XPO7: variants seen among roughly 807,000 people sequenced by gnomAD.
XPO7 encodes exportin 7.
A neutral mutation model predicts 144.3 loss-of-function variants in XPO7; 21 were observed. The observed-to-expected ratio is 0.15, with a 90% CI of 0.10 to 0.21. The LOEUF (loss-of-function observed/expected upper bound fraction) is 0.21, where lower values mean the gene tolerates loss of function less well. Ranked by LOEUF, XPO7 falls within the 10% of genes least tolerant of loss-of-function variation. The pLI is 1.00. For synonymous variants in XPO7, 580 were observed against 499.6 expected (o/e 1.16, Z -2.15); for missense variants, 808 against 1,325.8 (o/e 0.61, Z 6.06).
intron 1 of XPO7, among the ~76,000 whole-genome samples, chr8:21,927,197 G>C (rs974983178): frequency 2.0e-5 from 3 of 151,114 alleles, no homozygotes; most frequent in Non-Finnish European, 2.9e-5. Context: ...GTCCAGCCTG[G>C]GTAACATAGC....
intron 1 of XPO7, among the ~76,000 whole-genome samples, chr8:21,937,154 TTTAGA>T (rs1810846546): frequency 1.3e-5 from 2 of 152,212 alleles, no homozygotes; most frequent in South Asian, 4.1e-4. Context: ...CTAGAAAGTG[TTTAGA>T]TTAACGAGTA....
chr8:21,934,529 G>A (rs1360661270), intron 1 of XPO7, among the ~76,000 whole-genome samples: 2 of 150,714 alleles, frequency 1.3e-5, no homozygotes, highest in Non-Finnish European at 3.0e-5. Context: ...GCGAAACTCC[G>A]TCTCAAAAAA....
chr8:21,964,670 T>C (rs750703447), intron 1 of XPO7, among the ~76,000 whole-genome samples: 21 of 152,324 alleles, frequency 1.4e-4, no homozygotes, highest in Non-Finnish European at 2.9e-4. Context: ...AAATTGCGTT[T>C]TTGTTTTTTA....
chr8:21,934,692 C>T (rs931122157), intron 1 of XPO7, among the ~76,000 whole-genome samples: 21 of 152,076 alleles, frequency 1.4e-4, no homozygotes, highest in Non-Finnish European at 1.5e-5. Context: ...AGGAGACATC[C>T]CAACTGAAGC....
At chr8:21,972,127 G>A (rs1342905099) in intron 5 of XPO7, among the ~76,000 whole-genome samples, 186 bp downstream of exon 5, 2 of 150,696 alleles carry the variant, frequency 1.3e-5, no homozygotes, top group African/African-American at 4.9e-5. Flanking sequence ...CTCACTTTTT[G>A]TCCTGTTCCC....
rs1488116549 is a variant in XPO7 at position 21,952,460 on chromosome 8, C to G, written c.19-14397C>G. Among the ~76,000 whole-genome samples the G allele has an allele frequency of 2.6e-5, 4 of 152,100 alleles. No homozygotes were observed. The East Asian group carries it at 7.7e-4, about 29-fold the overall frequency. The stretch of plus-strand genomic sequence containing the variant: ...AGCTATATAAAATAGAAGACTCATA[C>G]AGCAAACTAAAGTATACTTTGCTGA... On this transcript the variant is annotated intron_variant, in intron 1 of 27. Transcript: ENST00000252512.
At chr8:21,974,353 A>G (rs1812161642) in intron 5 of XPO7, among the ~76,000 whole-genome samples, 1 of 152,088 alleles carries the variant, frequency 6.6e-6, no homozygotes, top group Non-Finnish European at 1.5e-5. Flanking sequence ...ACAACATGAA[A>G]GTAATTATCA....
At chr8:21,982,543 AAAAAAAG>A (rs1812440961) in intron 10 of XPO7, 90 bp from the exon 11 acceptor site, 4 of 1,409,490 alleles carry the variant, frequency 2.8e-6, no homozygotes, top group Middle Eastern at 2.6e-4. Context: ...TCTTTTTTTA[AAAAAAAG>A]AAAAAAGTCT....
chr8:21,978,807 G>A (rs1812308134), intron 8 of XPO7, among the ~76,000 whole-genome samples: 1 of 152,190 alleles, frequency 6.6e-6, no homozygotes, highest in East Asian at 1.9e-4. Context: ...CCACTGCATA[G>A]CCAGCTGGAT....
At chr8:22,002,323 G>C in intron 25 of XPO7, 51 bp downstream of exon 25, 2 of 1,583,482 alleles carry the variant, frequency 1.3e-6, no homozygotes, top group Non-Finnish European at 1.7e-6. Context: ...GACAGAGGAA[G>C]GACCTCTGCA....
intron 24 of XPO7, among the ~76,000 whole-genome samples, chr8:22,001,692 C>T (rs540651370): frequency 3.3e-5 from 5 of 152,272 alleles, no homozygotes; most frequent in South Asian, 4.1e-4. Flanking sequence ...ATCCTTAGGC[C>T]GATACATAAC....
chr8:22,005,229 G>C lies in XPO7; in HGVS notation c.*141G>C, dbSNP rs1458495536. 3.3e-6 allele frequency: 2 copies of C among 597,586 alleles called. No individual in the cohort carries two copies. The highest frequency in any genetic ancestry group is 1.9e-5 in the African/African-American group (1 of 52,734). 37.0% of individuals were successfully genotyped at this position (597,586 alleles called of 1,614,324 possible). ...GGAAAATGGCAAAGGTCAACTAGCT[G>C]CTTCCCCAGGGAATAGGGGTGTGAG... is the stretch of plus-strand genomic sequence containing the variant. On this transcript the variant is annotated 3_prime_UTR_variant, in exon 28 of 28. Coordinates refer to ENST00000252512, the MANE Select transcript of XPO7 (RefSeq NM_015024.5).
intron 1 of XPO7, among the ~76,000 whole-genome samples, chr8:21,924,166 C>G (rs1360405577): frequency 6.6e-6 from 1 of 152,168 alleles, no homozygotes; most frequent in Non-Finnish European, 1.5e-5. Flanking sequence ...CTGGAGGCTG[C>G]AGTTCTTTAC....
chr8:21,984,940 T>G, intron 12 of XPO7, 101 bp downstream of exon 12: 1 of 1,247,380 alleles, frequency 8.0e-7, no homozygotes, highest in Non-Finnish European at 1.1e-6. Flanking sequence ...GCAAAAGGAT[T>G]CTTTCATCAT....
At chr8:21,975,838 G>A (rs1175463698) in intron 6 of XPO7, among the ~76,000 whole-genome samples, 1 of 152,220 alleles carries the variant, frequency 6.6e-6, no homozygotes, top group Non-Finnish European at 1.5e-5. Flanking sequence ...GTACTCACCT[G>A]TAGTCTGCAG....
At chr8:21,994,643 G>A (rs187803982) in intron 20 of XPO7, among the ~76,000 whole-genome samples, 192 bp downstream of exon 20, 11 of 152,262 alleles carry the variant, frequency 7.2e-5, no homozygotes, top group Middle Eastern at 3.4e-3. Flanking sequence ...ATTAGAACAT[G>A]AATGAAGTAG....
At chr8:21,993,050 C>T (rs1012336830) in intron 19 of XPO7, among the ~76,000 whole-genome samples, 3 of 152,186 alleles carry the variant, frequency 2.0e-5, no homozygotes, top group Admixed American at 2.0e-4. Context: ...AAAGCAACAA[C>T]ACTTAATGCA....
At chr8:21,972,269 G>T (rs1812088018) in intron 5 of XPO7, among the ~76,000 whole-genome samples, 1 of 152,010 alleles carries the variant, frequency 6.6e-6, no homozygotes, top group Non-Finnish European at 1.5e-5. Context: ...CCTGAGGTCA[G>T]GAGATCAAGA....
intron 1 of XPO7, among the ~76,000 whole-genome samples, chr8:21,955,089 G>GTTAA (rs1811492286): frequency 6.6e-6 from 1 of 152,176 alleles, no homozygotes; most frequent in Non-Finnish European, 1.5e-5. Flanking sequence ...GCAAATTTGG[G>GTTAA]TTCTCAAATA....
Sources: allele counts gnomAD v4.1 joint callset (sites outside exome capture counted in the v4.1 genomes callset), GRCh38; gene constraint gnomAD v4.1.1; transcripts MANE v1.5; gene names NCBI Gene and HGNC (gene_info 2026-07-23, HGNC 2026-07-21).